Variants in ITFG1 observed in about 807,000 individuals in gnomAD.
The protein encoded by ITFG1 is T-cell immunomodulatory protein.
ITFG1 carries 34 observed loss-of-function variants against 81.8 expected under a neutral mutation model. That is an observed-to-expected ratio of 0.42 (90% confidence interval 0.32 to 0.55). ITFG1 has a LOEUF of 0.55. Among genes scored for constraint, ITFG1 ranks in the 20% least tolerant of loss-of-function variants. The pLI is 0.17. For synonymous variants in ITFG1, 285 were observed against 270.6 expected (o/e 1.05, Z -0.52); for missense variants, 672 against 755.4 (o/e 0.89, Z 1.29).
rs1416060520 is a variant in ITFG1 at position 47,417,573 on chromosome 16, T to C, written c.655+11231A>G. On this transcript the variant is annotated intron_variant, in intron 6 of 17. Transcript: ENST00000320640. ...CTCTACACTTTGCTTCTGGTAACTA[T>C]TATTGACTATCTCTATGAGATAAAC... is the stretch of plus-strand genomic sequence containing the variant. Among the ~76,000 whole-genome samples the C allele has an allele frequency of 2.6e-5, 4 of 152,206 alleles. No homozygotes were observed. In the East Asian group the frequency reaches 5.8e-4, roughly 22 times the overall value.
chr16:47,182,613 C>T (rs978225823), intron 14 of ITFG1, among the ~76,000 whole-genome samples: 5 of 152,086 alleles, frequency 3.3e-5, no homozygotes, highest in African/African-American at 4.8e-5. Flanking sequence ...GGTACAAAAA[C>T]GAAAATATAA....
chr16:47,257,382 C>T (rs1375705085), intron 12 of ITFG1, among the ~76,000 whole-genome samples: 3 of 152,014 alleles, frequency 2.0e-5, no homozygotes, highest in Non-Finnish European at 4.4e-5. Context: ...CCTCTACAGC[C>T]ATCTTAAAGA....
intron 6 of ITFG1, among the ~76,000 whole-genome samples, chr16:47,393,095 G>T (rs145902610): frequency 6.6e-6 from 1 of 152,202 alleles, no homozygotes; most frequent in Admixed American, 6.5e-5. Flanking sequence ...GTAGAGGGAG[G>T]AGAAACAAAT....
chr16:47,449,061 T>C (rs1294344254), intron 5 of ITFG1: 1 of 152,212 alleles, frequency 6.6e-6, no homozygotes, highest in East Asian at 1.9e-4. Context: ...GCACCTTTAG[T>C]CCAGCCAAAC....
At chr16:47,260,036 T>A (rs1336335831) in intron 11 of ITFG1, among the ~76,000 whole-genome samples, 1 of 151,942 alleles carries the variant, frequency 6.6e-6, no homozygotes, top group Non-Finnish European at 1.5e-5. Flanking sequence ...CCTCCCGGGT[T>A]CACGCCATTC....
chr16:47,182,190 A>C (rs570830773), intron 14 of ITFG1, among the ~76,000 whole-genome samples: 13 of 152,192 alleles, frequency 8.5e-5, no homozygotes, highest in Admixed American at 2.6e-4. Context: ...AAAAAAAAAA[A>C]AAACAAAAAA....
chr16:47,456,947 A>C (rs1227519083), intron 2 of ITFG1, among the ~76,000 whole-genome samples: 1 of 152,174 alleles, frequency 6.6e-6, no homozygotes, highest in Non-Finnish European at 1.5e-5. Flanking sequence ...GATATGATGG[A>C]ATATCTGCAA....
At position 47,155,787 on chromosome 16, in the gene ITFG1, G is replaced by T. The variant is rs1964693711; in HGVS notation, c.1780-9C>A. The T allele has an allele frequency of 5.1e-6, 8 of 1,583,934 alleles. No individual in the cohort carries two copies. Among genetic ancestry groups the T allele is most frequent in the Non-Finnish European group, 6.0e-6 (7 of 1,159,298 alleles). ...TCTCTATCATCTGCTTTCTGAAAAAGAATTTTAGACTCGTTTATAAATGGT... is the reference window on the plus strand; with the variant it reads ...TCTCTATCATCTGCTTTCTGAAAAATAATTTTAGACTCGTTTATAAATGGT... On this transcript the variant is annotated splice_polypyrimidine_tract_variant and intron_variant, in intron 17 of 17. Transcript: ENST00000320640.
At chr16:47,331,069 A>G (rs1445530337) in intron 8 of ITFG1, among the ~76,000 whole-genome samples, 1 of 152,154 alleles carries the variant, frequency 6.6e-6, no homozygotes, top group Admixed American at 6.6e-5. Flanking sequence ...CATGGAAACA[A>G]TCTAGGTGCC....
chr16:47,292,083 G>A (rs909132258), intron 10 of ITFG1, among the ~76,000 whole-genome samples: 1 of 150,868 alleles, frequency 6.6e-6, no homozygotes, highest in Non-Finnish European at 1.5e-5. Flanking sequence ...GTACAATCTC[G>A]GCTCACTGCA....
Position 47,409,374 on chromosome 16 carries a change from CTATATATA to C in ITFG1, c.655+19422_655+19429del, listed in dbSNP as rs1187875461. ...ACATAACAAGACACATACACACACA[CTATATATA>C]TATATATATATATATATATATATTT... On this transcript the variant is annotated intron_variant, in intron 6 of 17. Transcript: ENST00000320640. Among the ~76,000 whole-genome samples the C allele has an allele frequency of 2.3e-3, 48 of 20,986 alleles. 1 individual carries two copies. In the East Asian group the frequency reaches 0.029, roughly 13 times the overall value. 13.8% of individuals were successfully genotyped at this position (20,986 alleles called of 152,430 possible). A position where few individuals can be genotyped will look rare whatever the true frequency, so the allele number is the denominator to read the frequency against.
At chr16:47,169,586 G>A (rs890718674) in intron 14 of ITFG1, among the ~76,000 whole-genome samples, 13 of 151,776 alleles carry the variant, frequency 8.6e-5, no homozygotes, top group African/African-American at 3.1e-4. Context: ...ATTTTTTTCT[G>A]TGAGTTATAT....
intron 16 of ITFG1, among the ~76,000 whole-genome samples, chr16:47,159,618 A>G (rs1964769066): frequency 6.6e-6 from 1 of 152,158 alleles, no homozygotes; most frequent in African/African-American, 2.4e-5. Flanking sequence ...TAGTAAACAG[A>G]ACTAGTTCTT....
chr16:47,450,349 C>A (rs2151618229), intron 5 of ITFG1: 2 of 236,174 alleles, frequency 8.5e-6, no homozygotes, highest in South Asian at 8.2e-5. Context: ...TTATTAAAAA[C>A]CTACAGAAAA....
intron 8 of ITFG1, among the ~76,000 whole-genome samples, chr16:47,340,522 G>A (rs1345920193): frequency 6.6e-6 from 1 of 151,756 alleles, no homozygotes; most frequent in African/African-American, 2.4e-5. Flanking sequence ...CCACAAACAC[G>A]AAAATATAGA....
intron 12 of ITFG1, among the ~76,000 whole-genome samples, chr16:47,244,472 T>G (rs974547088): frequency 1.3e-5 from 2 of 152,138 alleles, no homozygotes; most frequent in Non-Finnish European, 2.9e-5. Flanking sequence ...AATCCCTACA[T>G]ATTTTGGTGA....
chr16:47,443,172 G>A (rs1386290863), intron 5 of ITFG1, among the ~76,000 whole-genome samples: 1 of 152,196 alleles, frequency 6.6e-6, no homozygotes, highest in Non-Finnish European at 1.5e-5. Context: ...GGCCATCAGA[G>A]AAATGCAAAT....
intron 14 of ITFG1, 96 bp from the exon 15 acceptor site, chr16:47,162,760 G>T: frequency 9.8e-7 from 1 of 1,023,966 alleles, no homozygotes; most frequent in South Asian, 1.7e-5. Flanking sequence ...TTTAGGTACT[G>T]GAATGTATCA....
chr16:47,374,460 G>C (rs1968298505), intron 7 of ITFG1, among the ~76,000 whole-genome samples: 1 of 152,022 alleles, frequency 6.6e-6, no homozygotes, highest in African/African-American at 2.4e-5. Context: ...AGATACTTAA[G>C]GGTGTTTCAT....
Sources: allele counts gnomAD v4.1 joint callset (sites outside exome capture counted in the v4.1 genomes callset), GRCh38; gene constraint gnomAD v4.1.1; transcripts MANE v1.5; gene names NCBI Gene and HGNC (gene_info 2026-07-23, HGNC 2026-07-21).